Variants in PTPRM observed in about 807,000 individuals in gnomAD.
PTPRM encodes the protein receptor-type tyrosine-protein phosphatase mu.
In PTPRM, 47 loss-of-function variants were observed where a neutral mutation model predicts 186.7. The ratio of observed to expected loss-of-function variants is 0.25; its 90% CI spans 0.20 to 0.32. The LOEUF is 0.32. PTPRM is among the 10% of genes least tolerant of loss of function. PTPRM has a pLI of 1.00. For synonymous variants in PTPRM, 668 were observed against 674.9 expected (o/e 0.99, Z 0.16); for missense variants, 1,494 against 1,865.0 (o/e 0.80, Z 3.66).
intron 3 of PTPRM, among the ~76,000 whole-genome samples, chr18:7,889,347 T>TTC (rs2048947894): frequency 6.8e-6 from 1 of 146,882 alleles, no homozygotes; most frequent in Non-Finnish European, 1.5e-5. Flanking sequence ...TTTTTTTTTT[T>TTC]TTTTTTTGAG....
intron 1 of PTPRM, among the ~76,000 whole-genome samples, chr18:7,764,667 T>A (rs1299922930): frequency 6.6e-6 from 1 of 152,124 alleles, no homozygotes. Context: ...GCCTGAGAAT[T>A]TGCATTTCTG....
At chr18:8,390,709 A>G (rs748049216) in intron 31 of PTPRM, among the ~76,000 whole-genome samples, 75 of 152,168 alleles carry the variant, frequency 4.9e-4, no homozygotes, top group Non-Finnish European at 9.7e-4. Context: ...CGGGTGGATC[A>G]CGAGATCAGG....
chr18:7,718,660 G>A (rs554261585), intron 1 of PTPRM, among the ~76,000 whole-genome samples: 1 of 152,116 alleles, frequency 6.6e-6, no homozygotes, highest in East Asian at 1.9e-4. Flanking sequence ...TGCAAACTGT[G>A]CATCTGACAA....
At chr18:7,786,242 T>C (rs2043091528) in intron 2 of PTPRM, among the ~76,000 whole-genome samples, 1 of 152,196 alleles carries the variant, frequency 6.6e-6, no homozygotes, top group African/African-American at 2.4e-5. Flanking sequence ...TTGTAATGCC[T>C]CTGTCTGGTG....
At chr18:8,394,385 C>A in intron 31 of PTPRM, 91 bp from the exon 32 acceptor site, 1 of 1,408,926 alleles carries the variant, frequency 7.1e-7, no homozygotes, top group Non-Finnish European at 9.5e-7. Flanking sequence ...GTTACTGTTC[C>A]CCAGGGTTTA....
At chr18:7,669,130 T>G (rs2039160963) in intron 1 of PTPRM, among the ~76,000 whole-genome samples, 1 of 152,046 alleles carries the variant, frequency 6.6e-6, no homozygotes, top group Admixed American at 6.6e-5. Flanking sequence ...CCAGTTATCC[T>G]TGAAACCTAG....
chr18:8,240,525 G>GGAAGGAAA (rs2094407530), intron 14 of PTPRM, among the ~76,000 whole-genome samples: 1 of 108,560 alleles, frequency 9.2e-6, no homozygotes. Flanking sequence ...AAGGAAGGAA[G>GGAAGGAAA]GAAGGAAGGA....
At chr18:7,737,799 C>T (rs760283887) in intron 1 of PTPRM, among the ~76,000 whole-genome samples, 10 of 152,206 alleles carry the variant, frequency 6.6e-5, no homozygotes, top group Admixed American at 1.3e-4. Context: ...GGCAATGAGA[C>T]ACGCTGAAAA....
intron 1 of PTPRM, among the ~76,000 whole-genome samples, chr18:7,614,659 C>A (rs923995049): frequency 2.0e-5 from 3 of 152,148 alleles, no homozygotes; most frequent in Non-Finnish European, 2.9e-5. Context: ...TGTTGCCTTC[C>A]CCTGTCTAAT....
At chr18:7,987,649 G>C (rs2083036844) in intron 7 of PTPRM, among the ~76,000 whole-genome samples, 1 of 152,024 alleles carries the variant, frequency 6.6e-6, no homozygotes, top group Non-Finnish European at 1.5e-5. Context: ...AATTAACCTG[G>C]GAGGTGCTTT....
At chr18:7,833,843 A>G (rs1294422531) in intron 2 of PTPRM, among the ~76,000 whole-genome samples, 1 of 152,214 alleles carries the variant, frequency 6.6e-6, no homozygotes, top group African/African-American at 2.4e-5. Flanking sequence ...TACTGAATTT[A>G]TGAGTTCTAA....
rs1055981908 is a variant in PTPRM at position 7,929,841 on chromosome 18, T to C, written c.663+3158T>C. Among the ~76,000 whole-genome samples the C allele has an allele frequency of 3.9e-5, 6 of 152,272 alleles. No homozygotes were observed. In the South Asian group the frequency reaches 6.2e-4, roughly 16 times the overall value. On this transcript the variant is annotated intron_variant, in intron 5 of 32. Coordinates refer to ENST00000580170, the MANE Select transcript of PTPRM (RefSeq NM_001105244.2). ...GAGGTCGTGAAGACATGTAAACCTT[T>C]CGTCATGGACCAGGTCTTTCTAATC... is the stretch of plus-strand genomic sequence containing the variant.
At chr18:7,795,392 T>C (rs2043572288) in intron 2 of PTPRM, among the ~76,000 whole-genome samples, 1 of 152,042 alleles carries the variant, frequency 6.6e-6, no homozygotes, top group African/African-American at 2.4e-5. Flanking sequence ...GAATGGTGCC[T>C]GTGTAACTCA....
At position 7,586,849 on chromosome 18, in the gene PTPRM, C is replaced by G. The variant is rs375804369; in HGVS notation, c.73+18958C>G. On this transcript the variant is annotated intron_variant, in intron 1 of 32. Coordinates refer to ENST00000580170, the MANE Select transcript of PTPRM (RefSeq NM_001105244.2). ...TTGTACAAACATCTTTTAAAGGTAT[C>G]CATTGTAAAGACCCAAGTACCAAAG... is the stretch of plus-strand genomic sequence containing the variant. 2.6e-5 allele frequency among the ~76,000 whole-genome samples: 4 copies of G among 152,198 alleles called. No homozygotes were observed. In the East Asian group the frequency reaches 7.7e-4, roughly 29 times the overall value.
Position 8,138,448 on chromosome 18 carries a change from A to G in PTPRM, c.2168-5199A>G, listed in dbSNP as rs1600776984. Among the ~76,000 whole-genome samples, 4 of 151,752 alleles carry G rather than the reference A, an allele frequency of 2.6e-5. No individual in the cohort carries two copies. The South Asian group carries it at 8.4e-4, about 32-fold the overall frequency. The stretch of plus-strand genomic sequence containing the variant: ...GGTTGGCTACCAGCAGATCCCACCC[A>G]TGCCCAGCCTGGGACATCCCTCCCT... On this transcript the variant is annotated intron_variant, in intron 13 of 32. Coordinates refer to ENST00000580170, the MANE Select transcript of PTPRM (RefSeq NM_001105244.2).
intron 2 of PTPRM, among the ~76,000 whole-genome samples, chr18:7,793,978 C>T (rs968009768): frequency 3.9e-5 from 6 of 152,306 alleles, no homozygotes; most frequent in East Asian, 1.9e-4. Context: ...GGCACGCCTT[C>T]GGCCTACGGA....
At chr18:8,027,182 A>C (rs2085624360) in intron 7 of PTPRM, among the ~76,000 whole-genome samples, 1 of 152,238 alleles carries the variant, frequency 6.6e-6, no homozygotes, top group Admixed American at 6.5e-5. Flanking sequence ...AAAGAACTAT[A>C]AAATACTGTA....
chr18:8,304,524 C>T (rs542984964), intron 20 of PTPRM, among the ~76,000 whole-genome samples: 3 of 152,164 alleles, frequency 2.0e-5, no homozygotes, highest in African/African-American at 7.2e-5. Context: ...AATAGCAAGT[C>T]GTTTTTATGC....
chr18:8,177,136 A>G (rs1040864996), intron 14 of PTPRM, among the ~76,000 whole-genome samples: 1 of 152,166 alleles, frequency 6.6e-6, no homozygotes, highest in Non-Finnish European at 1.5e-5. Flanking sequence ...AAGCTAAATG[A>G]CTTAAGTATT....
Sources: allele counts gnomAD v4.1 joint callset (sites outside exome capture counted in the v4.1 genomes callset), GRCh38; gene constraint gnomAD v4.1.1; transcripts MANE v1.5; gene names NCBI Gene and HGNC (gene_info 2026-07-23, HGNC 2026-07-21).